The following TAFA1 variants were observed in gnomAD, a reference collection of about 807,000 sequenced individuals.
TAFA1 encodes chemokine-like protein TAFA-1.
TAFA1 carries 4 observed loss-of-function variants against 18.5 expected under a neutral mutation model. The observed-to-expected ratio is 0.22, with a 90% CI of 0.11 to 0.49. The LOEUF (loss-of-function observed/expected upper bound fraction) is 0.49, where lower values mean the gene tolerates loss of function less well. Among genes scored for constraint, TAFA1 ranks in the 20% least tolerant of loss-of-function variants. The pLI is 0.98. For synonymous variants in TAFA1, 56 were observed against 55.2 expected, an observed-to-expected ratio of 1.01 and a Z score of -0.06; for missense variants, 147 against 169.0, an observed-to-expected ratio of 0.87 and a Z score of 0.72.
intron 2 of TAFA1, among the ~76,000 whole-genome samples, chr3:68,387,734 A>G (rs1185881633): frequency 6.6e-6 from 1 of 152,156 alleles, no homozygotes; most frequent in Admixed American, 6.6e-5. Flanking sequence ...TCCCCATATG[A>G]GGTCCATCAG....
intron 2 of TAFA1, among the ~76,000 whole-genome samples, chr3:68,059,621 A>G (rs1422377478): frequency 6.6e-6 from 1 of 152,172 alleles, no homozygotes; most frequent in African/African-American, 2.4e-5. Flanking sequence ...CTTGACCTCT[A>G]CAGTAAGAAA....
At chr3:68,518,517 G>T (rs1261491180) in intron 3 of TAFA1, among the ~76,000 whole-genome samples, 1 of 152,128 alleles carries the variant, frequency 6.6e-6, no homozygotes, top group Non-Finnish European at 1.5e-5. Context: ...TAATTGAACT[G>T]CATTGAATTG....
chr3:68,085,432 C>T (rs1481118762), intron 2 of TAFA1, among the ~76,000 whole-genome samples: 3 of 152,164 alleles, frequency 2.0e-5, no homozygotes, highest in Non-Finnish European at 4.4e-5. Flanking sequence ...CACAAAGGAG[C>T]ACATTTTGAG....
intron 2 of TAFA1, among the ~76,000 whole-genome samples, chr3:68,012,726 A>T (rs998664258): frequency 3.9e-5 from 6 of 152,292 alleles, no homozygotes; most frequent in Admixed American, 2.6e-4. Context: ...TTTCAATGGT[A>T]AAATTAGAAA....
At chr3:68,056,210 T>C (rs1559719684) in intron 2 of TAFA1, among the ~76,000 whole-genome samples, 1 of 152,170 alleles carries the variant, frequency 6.6e-6, no homozygotes. Context: ...CTAGCAATGG[T>C]AATTTTGTTG....
intron 2 of TAFA1, among the ~76,000 whole-genome samples, chr3:68,109,439 A>C (rs536862397): frequency 3.3e-5 from 5 of 152,300 alleles, no homozygotes; most frequent in Non-Finnish European, 5.9e-5. Context: ...TTGGAAAAAA[A>C]ATATTTTCAG....
chr3:68,154,040 C>A (rs1488335383), intron 2 of TAFA1, among the ~76,000 whole-genome samples: 1 of 152,120 alleles, frequency 6.6e-6, no homozygotes, highest in African/African-American at 2.4e-5. Flanking sequence ...GAACAGCATC[C>A]AATTCTTAGT....
rs57484957 is a variant in TAFA1 at position 68,292,566 on chromosome 3, G to A, written c.119-124714G>A. Among the ~76,000 whole-genome samples the A allele has an allele frequency of 1.7e-3, 262 of 151,886 alleles. 4 individuals are homozygous for A. In the East Asian group the frequency reaches 0.043, roughly 25 times the overall value. On this transcript the variant is annotated intron_variant, in intron 2 of 4. Coordinates refer to ENST00000478136, the MANE Select transcript of TAFA1 (RefSeq NM_213609.4). ...TTAAAAGACAAGGTCTCACTCTATCGCCCAAGCTGGAGTGCAATGGCACAA... is the reference window on the plus strand; with the variant it reads ...TTAAAAGACAAGGTCTCACTCTATCACCCAAGCTGGAGTGCAATGGCACAA...
intron 3 of TAFA1, among the ~76,000 whole-genome samples, chr3:68,426,445 AT>A (rs914012637): frequency 4.0e-5 from 6 of 151,860 alleles, no homozygotes; most frequent in African/African-American, 1.4e-4. Flanking sequence ...CTGAACCTAA[AT>A]TTTTTAGCGC....
intron 2 of TAFA1, among the ~76,000 whole-genome samples, chr3:68,098,670 C>T (rs192216670): frequency 4.3e-4 from 66 of 151,988 alleles, no homozygotes; most frequent in African/African-American, 1.4e-3. Context: ...GAGGGAGATA[C>T]GAATGCTATG....
At chr3:68,280,666 T>C (rs563965834) in intron 2 of TAFA1, among the ~76,000 whole-genome samples, 1 of 152,118 alleles carries the variant, frequency 6.6e-6, no homozygotes, top group Non-Finnish European at 1.5e-5. Flanking sequence ...AGATTTTAAT[T>C]TGAAGGAGAA....
chr3:68,439,524 A>T (rs996911915), intron 3 of TAFA1, among the ~76,000 whole-genome samples: 48 of 150,062 alleles, frequency 3.2e-4, no homozygotes, highest in African/African-American at 1.0e-3. Flanking sequence ...CTAGGAAGCC[A>T]GTCTGAGTCC....
intron 2 of TAFA1, among the ~76,000 whole-genome samples, chr3:68,332,065 G>A (rs528623513): frequency 1.1e-4 from 16 of 151,596 alleles, no homozygotes; most frequent in South Asian, 2.1e-4. Flanking sequence ...GGGTTTCACC[G>A]TGTTAACCCG....
At chr3:68,498,722 C>CTTTTTTTTTTTTTTT (rs34030223) in intron 3 of TAFA1, among the ~76,000 whole-genome samples, 1 of 97,032 alleles carries the variant, frequency 1.0e-5, no homozygotes, top group African/African-American at 4.8e-5. Flanking sequence ...CGTTTGGTGG[C>CTTTTTTTTTTTTTTT]TTTTTTTTTT....
At chr3:68,383,541 G>C (rs767499636) in intron 2 of TAFA1, among the ~76,000 whole-genome samples, 1 of 151,960 alleles carries the variant, frequency 6.6e-6, no homozygotes, top group Non-Finnish European at 1.5e-5. Flanking sequence ...CTACTTGATC[G>C]GGTGGAGAAG....
chr3:68,161,233 A>G (rs2065922243), intron 2 of TAFA1, among the ~76,000 whole-genome samples: 1 of 152,224 alleles, frequency 6.6e-6, no homozygotes, highest in Non-Finnish European at 1.5e-5. Flanking sequence ...TAGGCTTATG[A>G]TTAGGGATAC....
chr3:68,295,168 G>T (rs2068185661), intron 2 of TAFA1, among the ~76,000 whole-genome samples: 1 of 152,132 alleles, frequency 6.6e-6, no homozygotes, highest in Admixed American at 6.6e-5. Context: ...AAAATGAAAT[G>T]TAAACATAAG....
chr3:68,528,229 T>C (rs2073135236), intron 3 of TAFA1, among the ~76,000 whole-genome samples: 6 of 152,180 alleles, frequency 3.9e-5, no homozygotes, highest in Admixed American at 3.3e-4. Context: ...GTAAGTGCCT[T>C]ATCTAAAATT....
In TAFA1 at chr3:68,455,606, TA is replaced by T. The variant is rs575607716; in HGVS notation, c.259+38187del. Among the ~76,000 whole-genome samples, 29 of 152,264 alleles carry T rather than the reference TA, an allele frequency of 1.9e-4. No homozygotes were observed. The South Asian group carries it at 5.8e-3, about 30-fold the overall frequency. ...TTCATTCCTCTGGTCTGGTGTGCAT[TA>T]GCTCTTGAGTTTCTTCAAGATCCGT... On this transcript the variant is annotated intron_variant, in intron 3 of 4. Coordinates refer to ENST00000478136, the MANE Select transcript of TAFA1 (RefSeq NM_213609.4).
Sources: allele counts gnomAD v4.1 joint callset (sites outside exome capture counted in the v4.1 genomes callset), GRCh38; gene constraint gnomAD v4.1.1; transcripts MANE v1.5; gene names NCBI Gene and HGNC (gene_info 2026-07-23, HGNC 2026-07-21).